The following RGL1 variants were observed in gnomAD, a reference collection of about 807,000 sequenced individuals.
RGL1 encodes ral guanine nucleotide dissociation stimulator-like 1.
RGL1 carries 24 observed loss-of-function variants against 95.2 expected under a neutral mutation model. The observed-to-expected ratio is 0.25, with a 90% CI of 0.18 to 0.35. The LOEUF is 0.35. Among genes scored for constraint, RGL1 ranks in the 10% least tolerant of loss-of-function variants. RGL1 has a pLI of 1.00. For synonymous variants in RGL1, 329 were observed against 344.9 expected (o/e 0.95, Z 0.51); for missense variants, 715 against 936.3 (o/e 0.76, Z 3.08).
At chr1:183,651,217 C>T (rs1464496648) in intron 1 of RGL1, among the ~76,000 whole-genome samples, 1 of 152,042 alleles carries the variant, frequency 6.6e-6, no homozygotes, top group Non-Finnish European at 1.5e-5. Flanking sequence ...ATATTTTCTT[C>T]TAGTATTTAT....
intron 1 of RGL1, among the ~76,000 whole-genome samples, chr1:183,715,524 A>G (rs1225363643): frequency 6.6e-6 from 1 of 152,174 alleles, no homozygotes; most frequent in Non-Finnish European, 1.5e-5. Flanking sequence ...TCAGGGTACT[A>G]TGCTTTCACT....
At chr1:183,858,335 A>G (rs1665291396) in intron 3 of RGL1, among the ~76,000 whole-genome samples, 1 of 152,220 alleles carries the variant, frequency 6.6e-6, no homozygotes, top group South Asian at 2.1e-4. Context: ...AGAGAATGTC[A>G]CAATTTTTTT....
rs76901938 is a variant in RGL1, at chr1:183,685,337, C to T, written c.-33+48836C>T. On this transcript the variant is annotated intron_variant, in intron 1 of 18. Coordinates refer to the RGL1 transcript ENST00000304685. ...ACCTTGAATTACAATTAGAGGCACC[C>T]GCATGGGATCTGGGAGACTAAGAAA... is the stretch of plus-strand genomic sequence containing the variant. Among the ~76,000 whole-genome samples the T allele has an allele frequency of 1.1e-3, 161 of 152,166 alleles. 2 individuals carry two copies. In the East Asian group the frequency reaches 0.019, roughly 18 times the overall value.
chr1:183,870,938 C>T (rs1456085216), intron 4 of RGL1, among the ~76,000 whole-genome samples: 1 of 152,204 alleles, frequency 6.6e-6, no homozygotes, highest in Non-Finnish European at 1.5e-5. Flanking sequence ...TGCTCCTTCT[C>T]TATCACTCTG....
intron 8 of RGL1, 84 bp downstream of exon 8, chr1:183,888,661 C>G (rs931368375): frequency 1.2e-6 from 1 of 803,212 alleles, no homozygotes; most frequent in Non-Finnish European, 2.2e-6. Context: ...AAGCTTGTAT[C>G]GCATAACTAG....
intron 2 of RGL1, among the ~76,000 whole-genome samples, chr1:183,760,791 C>T (rs1176984960): frequency 4.6e-5 from 7 of 152,186 alleles, no homozygotes; most frequent in African/African-American, 1.4e-4. Context: ...GCTCCCAAAC[C>T]CTGCTGCTAC....
At chr1:183,672,749 C>T (rs1304034247) in intron 1 of RGL1, among the ~76,000 whole-genome samples, 2 of 152,128 alleles carry the variant, frequency 1.3e-5, no homozygotes, top group African/African-American at 2.4e-5. Context: ...TCTAACTCTG[C>T]TTTTTGTTAT....
chr1:183,914,656 C>T lies in RGL1; in HGVS notation c.1750-1791C>T, dbSNP rs368691415. On this transcript the variant is annotated intron_variant, in intron 15 of 17. Transcript: ENST00000360851. ...TATTTGCATTCCTTTCTTCATTCCC[C>T]GATCATGATTTCTAAATATTGATTT... 1.9e-4 allele frequency among the ~76,000 whole-genome samples: 29 copies of T among 152,224 alleles called. 1 individual carries two copies. The highest frequency in any genetic ancestry group is 7.7e-4 in the East Asian group (4 of 5,180).
At chr1:183,844,607 C>A (rs916538111) in intron 2 of RGL1, among the ~76,000 whole-genome samples, 9 of 152,186 alleles carry the variant, frequency 5.9e-5, no homozygotes, top group African/African-American at 1.9e-4. Flanking sequence ...GCACACACTT[C>A]AAGCAACAGT....
chr1:183,893,654 C>T (rs1667542339), intron 9 of RGL1, among the ~76,000 whole-genome samples: 1 of 152,160 alleles, frequency 6.6e-6, no homozygotes, highest in African/African-American at 2.4e-5. Flanking sequence ...CTATGTCCTA[C>T]TTATCCTTCA....
chr1:183,877,200 G>T (rs534754992), intron 4 of RGL1, among the ~76,000 whole-genome samples: 1 of 152,112 alleles, frequency 6.6e-6, no homozygotes, highest in East Asian at 1.9e-4. Context: ...AGTGGCTTCT[G>T]TAGTCTAACA....
intron 11 of RGL1, among the ~76,000 whole-genome samples, chr1:183,901,360 G>A (rs1290116884): frequency 1.3e-5 from 2 of 152,010 alleles, no homozygotes; most frequent in East Asian, 3.9e-4. Context: ...GGTGGCAGGT[G>A]CCTATAATCC....
At chr1:183,703,730 T>G (rs549137062) in intron 1 of RGL1, among the ~76,000 whole-genome samples, 2 of 152,110 alleles carry the variant, frequency 1.3e-5, no homozygotes, top group Non-Finnish European at 2.9e-5. Context: ...TCGGGTGGGA[T>G]GTGAGTGAAG....
intron 1 of RGL1, among the ~76,000 whole-genome samples, chr1:183,671,487 C>T (rs1471945310): frequency 1.3e-5 from 2 of 152,144 alleles, no homozygotes; most frequent in Non-Finnish European, 2.9e-5. Context: ...ACATCCTTGC[C>T]AACACTTGGT....
intron 17 of RGL1, among the ~76,000 whole-genome samples, chr1:183,924,229 A>G (rs181162832): frequency 2.4e-4 from 37 of 152,378 alleles, no homozygotes; most frequent in African/African-American, 7.2e-4. Context: ...ATGCCCATCA[A>G]TGATAGACTG....
At chr1:183,678,860 G>A (rs12724273) in intron 1 of RGL1, among the ~76,000 whole-genome samples, 67,528 of 152,076 alleles carry the variant, frequency 0.44, 16,365 homozygotes, top group East Asian at 0.75. Context: ...CTTTCCAAGG[G>A]TGAGACAAAG....
In RGL1 at chr1:183,863,359, G is replaced by T. The variant is rs149427087; in HGVS notation, c.348-2637G>T. On this transcript the variant is annotated intron_variant, in intron 3 of 17. Transcript: ENST00000360851. ...TTGTTTTTTGTTTTTGAGAGACAGCGTCTTGCTATGTGTTGCCCAGGCTAG... is the reference window on the plus strand; with the variant it reads ...TTGTTTTTTGTTTTTGAGAGACAGCTTCTTGCTATGTGTTGCCCAGGCTAG... Among the ~76,000 whole-genome samples, 218 of 151,644 alleles carry T rather than the reference G, an allele frequency of 1.4e-3. 2 individuals are homozygous for T. In the East Asian group the frequency reaches 0.032, roughly 22 times the overall value.
At chr1:183,638,972 C>T (rs12024089) in intron 1 of RGL1, among the ~76,000 whole-genome samples, 10,445 of 152,236 alleles carry the variant, frequency 0.069, 627 homozygotes, top group African/African-American at 0.16. Context: ...CCACTAAATA[C>T]TTAAACAACA....
intron 1 of RGL1, among the ~76,000 whole-genome samples, chr1:183,732,341 AC>A (rs1289785542): frequency 2.0e-5 from 3 of 152,140 alleles, no homozygotes; most frequent in Non-Finnish European, 4.4e-5. Context: ...AGAAACTGTA[AC>A]CCAGTTGGAA....
Sources: allele counts gnomAD v4.1 joint callset (sites outside exome capture counted in the v4.1 genomes callset), GRCh38; gene constraint gnomAD v4.1.1; transcripts MANE v1.5; gene names NCBI Gene and HGNC (gene_info 2026-07-23, HGNC 2026-07-21).